The following CCDC191 variants were observed in gnomAD, a reference collection of about 807,000 sequenced individuals.
CCDC191 encodes coiled-coil domain containing 191, also known as coiled-coil domain-containing protein 191.
CCDC191 carries 99 observed loss-of-function variants against 114.0 expected under a neutral mutation model. The observed-to-expected ratio is 0.87, with a 90% CI of 0.74 to 1.03. The LOEUF (loss-of-function observed/expected upper bound fraction) is 1.03, where lower values mean the gene tolerates loss of function less well. Ranked by LOEUF, CCDC191 falls within the 50% of genes least tolerant of loss-of-function variation. CCDC191 has a pLI of 0.00. For missense variants in CCDC191, 973 were observed against 1,087.0 expected, an observed-to-expected ratio of 0.90 and a Z score of 1.47; for synonymous variants, 351 against 376.0, an observed-to-expected ratio of 0.93 and a Z score of 0.77.
chr3:114,053,067 A>C (rs1577486924), intron 2 of CCDC191, among the ~76,000 whole-genome samples: 1 of 152,320 alleles, frequency 6.6e-6, no homozygotes, highest in East Asian at 1.9e-4. Context: ...TCTCCCCTTC[A>C]CTGAATCCTC....
chr3:114,042,969 C>T, intron 3 of CCDC191, 123 bp from the exon 4 acceptor site: 2 of 876,478 alleles, frequency 2.3e-6, no homozygotes, highest in Non-Finnish European at 3.4e-6. Flanking sequence ...GTTCTAGATA[C>T]TGGAATACAA....
chr3:113,980,164 C>T (rs369413760), intron 14 of CCDC191, among the ~76,000 whole-genome samples: 12 of 152,240 alleles, frequency 7.9e-5, no homozygotes, highest in African/African-American at 2.2e-4. Flanking sequence ...TGACAGTTGC[C>T]AGGTGAAAAG....
intron 5 of CCDC191, 145 bp from the exon 6 acceptor site, chr3:114,035,293 G>A (rs1414133853): frequency 8.0e-6 from 5 of 622,872 alleles, no homozygotes; most frequent in African/African-American, 5.5e-5. Flanking sequence ...TAGGAAAGGA[G>A]GAATTCATCT....
chr3:114,010,979 G>A lies in CCDC191; in HGVS notation c.1206C>T (p.Leu402=), dbSNP rs1340726322. ...GCTGCCATTCTGTAAAGCAGTGTCG[G>A]AGAACTTGTTTCCGGTTATACTCAG... is the stretch of plus-strand genomic sequence containing the variant. ...LATEYNRKQV[L]RHCFTEWQHW... is the part of the protein sequence containing the mutation. The change falls in exon 9 of 17, where the codon CTC becomes CTT. Residue 402 remains leucine (L), a synonymous_variant. Coordinates refer to ENST00000295878, the MANE Select transcript of CCDC191 (RefSeq NM_020817.2). 6.2e-7 allele frequency: 1 copy of A among 1,613,798 alleles called. No individual in the cohort carries two copies. The highest frequency in any genetic ancestry group is 1.3e-5 in the African/African-American group (1 of 74,930).
chr3:113,987,916 C>T (rs2075419269), intron 13 of CCDC191, among the ~76,000 whole-genome samples: 1 of 150,902 alleles, frequency 6.6e-6, no homozygotes, highest in Non-Finnish European at 1.5e-5. Context: ...TTGGTGGGTG[C>T]CTGTAATCCC....
intron 8 of CCDC191, among the ~76,000 whole-genome samples, chr3:114,017,454 G>T (rs146093951): frequency 0.012 from 1,826 of 152,200 alleles, 21 homozygotes; most frequent in African/African-American, 0.04. Context: ...ATGTTGTTTT[G>T]CCCATTCAAC....
rs765500678 is a variant in CCDC191 at position 114,056,515 on chromosome 3, T to TCTGCCCGGG, written c.-58_-50dup. ...CGGCCAAAGCTGCAGCAACCGCCCT[T>TCTGCCCGGG]CTGCCCGGGCTGCCTCCGGGTCACG... On this transcript the variant is annotated 5_prime_UTR_variant, in exon 1 of 17. Transcript: ENST00000295878. 104 of 1,613,096 alleles carry TCTGCCCGGG rather than the reference T, an allele frequency of 6.4e-5. No individual in the cohort carries two copies. The highest frequency in any genetic ancestry group is 8.3e-5 in the Non-Finnish European group (98 of 1,180,000).
In CCDC191 at chr3:113,993,083, A is replaced by G. The variant is rs917155335; in HGVS notation, c.2163+8512T>C. ...ATGATCATCTCAACAGATGCAGAAA[A>G]GCATGTGACAAAACTCAACACCCTT... On this transcript the variant is annotated intron_variant, in intron 13 of 16. Coordinates refer to ENST00000295878, the MANE Select transcript of CCDC191 (RefSeq NM_020817.2). 5.3e-5 allele frequency among the ~76,000 whole-genome samples: 8 copies of G among 152,204 alleles called. No homozygotes were observed. The South Asian group carries it at 1.7e-3, about 32-fold the overall frequency.
chr3:114,030,485 C>A (rs1343031089), intron 7 of CCDC191, among the ~76,000 whole-genome samples: 1 of 152,102 alleles, frequency 6.6e-6, no homozygotes, highest in Non-Finnish European at 1.5e-5. Flanking sequence ...ATGAAGAATG[C>A]AGAATCTAAG....
chr3:113,996,006 T>G (rs1319831895), intron 13 of CCDC191, among the ~76,000 whole-genome samples: 1 of 152,034 alleles, frequency 6.6e-6, no homozygotes, highest in Non-Finnish European at 1.5e-5. Flanking sequence ...TTAAATTCTT[T>G]ATAGATTCTG....
intron 4 of CCDC191, among the ~76,000 whole-genome samples, chr3:114,041,338 T>C (rs952457240): frequency 6.6e-6 from 1 of 152,204 alleles, no homozygotes; most frequent in Non-Finnish European, 1.5e-5. Flanking sequence ...TAGAACTATA[T>C]GAGTGGTCAA....
At chr3:114,021,551 C>T (rs950866777) in intron 7 of CCDC191, among the ~76,000 whole-genome samples, 6 of 151,930 alleles carry the variant, frequency 3.9e-5, no homozygotes, top group East Asian at 3.8e-4. Context: ...TAAATGTGTT[C>T]GAAGAAAATA....
chr3:114,006,304 C>T (rs1559902789), intron 9 of CCDC191, among the ~76,000 whole-genome samples: 1 of 151,822 alleles, frequency 6.6e-6, no homozygotes, highest in Admixed American at 6.6e-5. Context: ...CAAAAGTTGG[C>T]CAGGCATGGT....
intron 8 of CCDC191, among the ~76,000 whole-genome samples, chr3:114,016,521 G>C (rs74637183): frequency 6.6e-6 from 1 of 151,822 alleles, no homozygotes; most frequent in East Asian, 1.9e-4. Context: ...GATTTTTTTT[G>C]CTCTAAAGCT....
chr3:114,025,780 C>G (rs1307674794), intron 7 of CCDC191, among the ~76,000 whole-genome samples: 1 of 152,172 alleles, frequency 6.6e-6, no homozygotes, highest in Non-Finnish European at 1.5e-5. Flanking sequence ...ACCTTCTTCC[C>G]CATCTCTACC....
rs185811961 is a variant in CCDC191, at chr3:114,050,144, G to A, written c.130-3412C>T. On this transcript the variant is annotated intron_variant, in intron 2 of 16. Transcript: ENST00000295878. ...ATATATAAACATATTACTTGTAAAG[G>A]AACTATCTCAGTTATTCCCACGATC... Among the ~76,000 whole-genome samples the A allele has an allele frequency of 4.4e-4, 67 of 152,240 alleles. 1 individual carries two copies. Among genetic ancestry groups the A allele is most frequent in the African/African-American group, 1.5e-3 (61 of 41,536 alleles).
At chr3:114,006,587 G>GATATATATAT (rs67264886) in intron 9 of CCDC191, among the ~76,000 whole-genome samples, 917 of 82,412 alleles carry the variant, frequency 0.011, 4 homozygotes, top group African/African-American at 0.025. Context: ...GGTTACTCCA[G>GATATATATAT]ATATATATAT....
intron 2 of CCDC191, among the ~76,000 whole-genome samples, chr3:114,053,033 G>A (rs2076717882): frequency 6.6e-6 from 1 of 152,208 alleles, no homozygotes; most frequent in Non-Finnish European, 1.5e-5. Flanking sequence ...GCCTGGAAGA[G>A]ATGTCAGAGG....
chr3:113,978,654 T>G (rs1490848978), intron 15 of CCDC191: 1 of 631,932 alleles, frequency 1.6e-6, no homozygotes, highest in Non-Finnish European at 2.7e-6. Context: ...ACACACTCCG[T>G]GAAACAAACA....
Sources: allele counts gnomAD v4.1 joint callset (sites outside exome capture counted in the v4.1 genomes callset), GRCh38; gene constraint gnomAD v4.1.1; transcripts MANE v1.5; gene names NCBI Gene and HGNC (gene_info 2026-07-23, HGNC 2026-07-21).